The following STPG2 variants were observed in gnomAD, a reference collection of about 807,000 sequenced individuals.
STPG2 encodes the protein sperm-tail PG-rich repeat-containing protein 2.
A neutral mutation model predicts 54.2 loss-of-function variants in STPG2; 56 were observed. The observed-to-expected ratio is 1.03, with a 90% CI of 0.83 to 1.29. The LOEUF (loss-of-function observed/expected upper bound fraction) is 1.29. Among genes scored for constraint, STPG2 ranks in the 50% most tolerant of loss-of-function variants. STPG2 has a pLI of 0.00. For synonymous variants in STPG2, 200 were observed against 181.8 expected (o/e 1.10, Z -0.81); for missense variants, 596 against 544.9 (o/e 1.09, Z -0.93).
intron 9 of STPG2, among the ~76,000 whole-genome samples, chr4:97,796,246 T>C (rs1382872632): frequency 6.6e-6 from 1 of 152,228 alleles, no homozygotes; most frequent in Non-Finnish European, 1.5e-5. Flanking sequence ...TGCCATTGCT[T>C]TTGATGTTTT....
chr4:97,706,767 T>C (rs1309232443), intron 10 of STPG2, among the ~76,000 whole-genome samples: 2 of 152,188 alleles, frequency 1.3e-5, no homozygotes, highest in Non-Finnish European at 2.9e-5. Context: ...ATGAAAGTCA[T>C]TGATGAGCCA....
intron 8 of STPG2, among the ~76,000 whole-genome samples, chr4:97,923,832 C>G (rs1420186989): frequency 6.6e-6 from 1 of 152,142 alleles, no homozygotes; most frequent in Non-Finnish European, 1.5e-5. Flanking sequence ...ATGTCTAGCT[C>G]AGGGATTGTA....
chr4:97,576,596 C>G (rs1578400583), intron 10 of STPG2, among the ~76,000 whole-genome samples: 1 of 152,024 alleles, frequency 6.6e-6, no homozygotes, highest in East Asian at 1.9e-4. Context: ...GAAATTAACT[C>G]AAGATAGATT....
chr4:97,452,135 C>CCCCCCT (rs1729392562), intron 4 of STPG2, among the ~76,000 whole-genome samples: 1 of 99,880 alleles, frequency 1.0e-5, no homozygotes, highest in Non-Finnish European at 2.2e-5. Flanking sequence ...CCCCCCCCCC[C>CCCCCCT]GCCCCCAGCA....
intron 8 of STPG2, among the ~76,000 whole-genome samples, chr4:97,897,216 T>A (rs561111571): frequency 6.6e-6 from 1 of 152,238 alleles, no homozygotes; most frequent in African/African-American, 2.4e-5. Flanking sequence ...GCTCCATCCA[T>A]GTTCCTACAA....
chr4:98,091,168 C>A (rs963314626), intron 5 of STPG2, among the ~76,000 whole-genome samples: 1 of 151,820 alleles, frequency 6.6e-6, no homozygotes, highest in Non-Finnish European at 1.5e-5. Flanking sequence ...TGTACTTTCC[C>A]CTCATTATCA....
chr4:97,540,052 T>G (rs1264229734), intron 4 of STPG2, among the ~76,000 whole-genome samples: 1 of 151,804 alleles, frequency 6.6e-6, no homozygotes, highest in Non-Finnish European at 1.5e-5. Flanking sequence ...CACCCTAACA[T>G]CACAATTAAA....
intron 4 of STPG2, among the ~76,000 whole-genome samples, chr4:97,543,389 C>G (rs1731764301): frequency 6.6e-6 from 1 of 151,646 alleles, no homozygotes; most frequent in African/African-American, 2.4e-5. Flanking sequence ...ATTTTCCTAC[C>G]TAAGTAGCTT....
intron 7 of STPG2, among the ~76,000 whole-genome samples, 195 bp downstream of exon 7, chr4:97,972,085 A>G (rs990913531): frequency 6.6e-6 from 1 of 152,004 alleles, no homozygotes; most frequent in African/African-American, 2.4e-5. Context: ...TAGAAATTCA[A>G]TTTGTGTTTT....
At chr4:97,447,340 G>C (rs924130059) in intron 4 of STPG2, among the ~76,000 whole-genome samples, 6 of 152,172 alleles carry the variant, frequency 3.9e-5, no homozygotes, top group African/African-American at 1.4e-4. Context: ...AGAAATTCAA[G>C]CCATCTGCAG....
chr4:97,751,729 G>T (rs1000510649), intron 9 of STPG2, among the ~76,000 whole-genome samples: 1 of 151,666 alleles, frequency 6.6e-6, no homozygotes, highest in African/African-American at 2.4e-5. Flanking sequence ...AATCAATTTG[G>T]AATGAGTCAG....
At chr4:98,040,102 G>A (rs13125432) in intron 5 of STPG2, among the ~76,000 whole-genome samples, 59,750 of 151,422 alleles carry the variant, frequency 0.39, 11,999 homozygotes, top group Middle Eastern at 0.46. Flanking sequence ...TCATATCTTT[G>A]TTGGCCACTT....
chr4:97,979,314 T>G (rs1414012203), intron 6 of STPG2, among the ~76,000 whole-genome samples: 2 of 151,706 alleles, frequency 1.3e-5, no homozygotes, highest in South Asian at 4.2e-4. Context: ...CCACAGAAAA[T>G]CATTCCCCCC....
intron 9 of STPG2, among the ~76,000 whole-genome samples, chr4:97,729,083 C>CTCTCTCTCTCTCTCTCAA (rs1553908026): frequency 1.3e-5 from 2 of 151,364 alleles, no homozygotes; most frequent in Admixed American, 1.3e-4. Context: ...CTCTCTCTCT[C>CTCTCTCTCTCTCTCTCAA]TCTCTCTCTC....
At chr4:98,001,335 G>A (rs1379940702) in intron 5 of STPG2, among the ~76,000 whole-genome samples, 3 of 151,408 alleles carry the variant, frequency 2.0e-5, no homozygotes, top group African/African-American at 7.3e-5. Flanking sequence ...ACACTATCTA[G>A]TAGCAGTCAA....
At chr4:97,840,592 T>C (rs1347543126) in intron 9 of STPG2, among the ~76,000 whole-genome samples, 181 bp downstream of exon 9, 1 of 151,660 alleles carries the variant, frequency 6.6e-6, no homozygotes. Flanking sequence ...CAGCAGGTCC[T>C]CAAATAATGT....
intron 4 of STPG2, among the ~76,000 whole-genome samples, chr4:97,481,639 T>A (rs1042107395): frequency 2.6e-5 from 4 of 151,602 alleles, no homozygotes; most frequent in Non-Finnish European, 5.9e-5. Flanking sequence ...AACTTCAAAT[T>A]TCAACATTTC....
chr4:97,503,193 T>C (rs569931881), intron 4 of STPG2, among the ~76,000 whole-genome samples: 2 of 152,112 alleles, frequency 1.3e-5, no homozygotes, highest in South Asian at 2.1e-4. Flanking sequence ...GGACCAATTA[T>C]TAAATTTTCA....
chr4:97,899,865 AC>A (rs1450479589), intron 8 of STPG2, among the ~76,000 whole-genome samples: 1 of 152,136 alleles, frequency 6.6e-6, no homozygotes, highest in Non-Finnish European at 1.5e-5. Context: ...AACTATAAAA[AC>A]CCTTGAAGAC....
Sources: allele counts gnomAD v4.1 joint callset (sites outside exome capture counted in the v4.1 genomes callset), GRCh38; gene constraint gnomAD v4.1.1; transcripts MANE v1.5; gene names NCBI Gene and HGNC (gene_info 2026-07-23, HGNC 2026-07-21).